COQ8A: variants seen among roughly 807,000 people sequenced by gnomAD.
COQ8A encodes the protein coenzyme Q8A.
COQ8A carries 51 observed loss-of-function variants against 65.0 expected under a neutral mutation model. That is an observed-to-expected ratio of 0.78 (90% CI 0.63 to 0.99). The LOEUF (loss-of-function observed/expected upper bound fraction) is 0.99. Ranked by LOEUF, COQ8A falls within the 50% of genes least tolerant of loss-of-function variation. The pLI is 0.00. For missense variants in COQ8A, 940 were observed against 875.0 expected, an observed-to-expected ratio of 1.07 and a Z score of -0.94; for synonymous variants, 371 against 353.2, an observed-to-expected ratio of 1.05 and a Z score of -0.57.
In COQ8A at chr1:226,972,414, G is replaced by C. The variant is rs1417312742; in HGVS notation, c.656-5035G>C. On this transcript the variant is annotated intron_variant, in intron 4 of 14. Transcript: ENST00000366777. The surrounding 1 kb of genome is among the most constrained non-coding windows in gnomAD (Gnocchi z 4.3). ...GAGAAAAAGCAGGTCAGTGGGCCAG[G>C]AATGAAGAGTAGAGGGAATGGACCT... Among the ~76,000 whole-genome samples, 2 of 152,182 alleles carry C rather than the reference G, an allele frequency of 1.3e-5. No homozygotes were observed. Among genetic ancestry groups the C allele is most frequent in the Admixed American group, 1.3e-4 (2 of 15,282 alleles).
At chr1:226,974,290 A>G (rs914203886) in intron 4 of COQ8A, among the ~76,000 whole-genome samples, 1 of 152,152 alleles carries the variant, frequency 6.6e-6, no homozygotes, top group Non-Finnish European at 1.5e-5. Flanking sequence ...TCTCTCGGAG[A>G]AACATGTCAG....
At chr1:226,951,510 G>C (rs550221602) in intron 1 of COQ8A, among the ~76,000 whole-genome samples, 31 of 152,248 alleles carry the variant, frequency 2.0e-4, no homozygotes, top group African/African-American at 7.0e-4. Context: ...CTTCACCTGG[G>C]GGCCTGTGGG....
intron 10 of COQ8A, 59 bp from the exon 11 acceptor site, chr1:226,984,035 G>GTGT (rs149374145): frequency 2.3e-5 from 28 of 1,242,132 alleles, no homozygotes; most frequent in Non-Finnish European, 2.7e-5. Context: ...GGGTGTGTGT[G>GTGT]GGGGGGGGGA....
chr1:226,940,981 T>A (rs1319482348), intron 1 of COQ8A, among the ~76,000 whole-genome samples: 1 of 152,172 alleles, frequency 6.6e-6, no homozygotes, highest in Non-Finnish European at 1.5e-5. Context: ...CTTTGGCCTT[T>A]CCTCTTCTCC....
At position 226,970,903 on chromosome 1, in the gene COQ8A, T is replaced by A. The variant is rs190857102; in HGVS notation, c.655+5166T>A. ...AACTCTCCTCTCTCTTACAGTGTAG[T>A]CTGTTAATCATGAATTCTTTTAGTT... On this transcript the variant is annotated intron_variant, in intron 4 of 14. Transcript: ENST00000366777. Among the ~76,000 whole-genome samples, 78 of 152,274 alleles carry A rather than the reference T, an allele frequency of 5.1e-4. 1 individual carries two copies. The East Asian group carries it at 8.7e-3, about 17-fold the overall frequency.
chr1:226,950,399 T>G (rs573792679), intron 1 of COQ8A, among the ~76,000 whole-genome samples: 1 of 152,214 alleles, frequency 6.6e-6, no homozygotes, highest in Non-Finnish European at 1.5e-5. Context: ...AAAAACACAC[T>G]GTTTTGCTCT....
chr1:226,982,512 T>C lies in COQ8A; in HGVS notation c.854-166T>C, dbSNP rs1490894747. 4 of 781,426 alleles carry C rather than the reference T, an allele frequency of 5.1e-6. No homozygotes were observed. In the Admixed American group the frequency reaches 8.1e-5, roughly 16 times the overall value. 48.4% of individuals were successfully genotyped at this position (781,426 alleles called of 1,614,324 possible). ...GCGGAGGCTGGGGCTCCCGGGAAGC[T>C]GAGTGGCCGAGGGCGTGTGTGCGAG... On this transcript the variant is annotated intron_variant, in intron 6 of 14. Transcript: ENST00000366777.
At chr1:226,961,333 G>T in intron 1 of COQ8A, 44 bp from the exon 2 acceptor site, 1 of 1,609,228 alleles carries the variant, frequency 6.2e-7, no homozygotes, top group South Asian at 1.1e-5. Flanking sequence ...GGTTTGGCCT[G>T]CAGAGGCCTG....
At chr1:226,976,018 TCCC>T (rs1432054087) in intron 4 of COQ8A, among the ~76,000 whole-genome samples, 11 of 152,022 alleles carry the variant, frequency 7.2e-5, no homozygotes, top group Non-Finnish European at 1.3e-4. Flanking sequence ...GTGAGCCCTC[TCCC>T]CCAACAGCCC....
rs556189472 is a variant in COQ8A, at chr1:226,982,551, C to CT, written c.854-126dup. On this transcript the variant is annotated intron_variant, in intron 6 of 14. Transcript: ENST00000366777. ...CGTGTGTGCGAGGGCTCCTGTCTTTCTGGCCTCACCCGTGCTCCTGGTGGG... is the reference window on the plus strand; with the variant it reads ...CGTGTGTGCGAGGGCTCCTGTCTTTCTTGGCCTCACCCGTGCTCCTGGTGGG... 416 of 1,039,854 alleles carry CT rather than the reference C, an allele frequency of 4.0e-4. 6 individuals carry two copies. The South Asian group carries it at 5.0e-3, about 13-fold the overall frequency. The allele number at this position is 1,039,854 out of a possible 1,614,324, so 64.4% of individuals were successfully genotyped here.
chr1:226,982,472 T>G, intron 6 of COQ8A: 1 of 673,258 alleles, frequency 1.5e-6, no homozygotes, highest in Non-Finnish European at 2.6e-6. Context: ...AAAGCCCACC[T>G]TCTCAGGTCA....
In COQ8A at chr1:226,965,268, CCA is replaced by C; in HGVS notation, c.447_448del (p.Asp151LeufsTer28). 2 of 1,614,024 alleles carry C rather than the reference CCA, an allele frequency of 1.2e-6. No individual in the cohort carries two copies. Among genetic ancestry groups the C allele is most frequent in the Non-Finnish European group, 8.5e-7 (1 of 1,180,040 alleles). ...GCCAACGGGAGGCTCTTTGCAAACC[CCA>C]GAGACTCATTCTCTGCCATGGGCTT... On this transcript the variant is annotated frameshift_variant, in exon 3 of 15. Coordinates refer to ENST00000366777, the MANE Select transcript of COQ8A (RefSeq NM_020247.5). LOFTEE classifies it high-confidence loss of function.
chr1:226,984,258 G>A (rs753541041), intron 11 of COQ8A, 23 bp downstream of exon 11: 2 of 1,612,536 alleles, frequency 1.2e-6, no homozygotes, highest in Admixed American at 1.7e-5. Flanking sequence ...CAGCAGACAG[G>A]TGGGGCCAGG....
chr1:226,970,270 A>G (rs760606500), intron 4 of COQ8A, among the ~76,000 whole-genome samples: 14 of 152,212 alleles, frequency 9.2e-5, no homozygotes, highest in Non-Finnish European at 1.5e-4. Context: ...GTGTCTTAAC[A>G]AGGATTCAGT....
chr1:226,943,032 G>T (rs900640468), intron 1 of COQ8A, among the ~76,000 whole-genome samples: 4 of 152,190 alleles, frequency 2.6e-5, no homozygotes, highest in African/African-American at 9.7e-5. Flanking sequence ...TTGCTGTTTT[G>T]ATCCTGTGGG....
chr1:226,978,857 ACAC>A (rs1165214847), intron 5 of COQ8A, among the ~76,000 whole-genome samples: 1 of 106,524 alleles, frequency 9.4e-6, no homozygotes, highest in African/African-American at 3.3e-5. Context: ...TCATACCTGC[ACAC>A]CACCTTACAC....
At chr1:226,985,741 G>A (rs986026107) in intron 14 of COQ8A, among the ~76,000 whole-genome samples, 8 of 152,280 alleles carry the variant, frequency 5.3e-5, no homozygotes, top group South Asian at 2.1e-4. Flanking sequence ...TGCTGGTGCC[G>A]CCTGAAGCCA....
intron 5 of COQ8A, among the ~76,000 whole-genome samples, chr1:226,981,261 G>C (rs944454483): frequency 1.3e-5 from 2 of 152,224 alleles, no homozygotes; most frequent in African/African-American, 2.4e-5. Flanking sequence ...CCCAGGATAG[G>C]GGGGAAGCTA....
chr1:226,986,203 G>A (rs1223303861), intron 14 of COQ8A, among the ~76,000 whole-genome samples: 3 of 152,030 alleles, frequency 2.0e-5, no homozygotes, highest in Non-Finnish European at 4.4e-5. Flanking sequence ...TGAGTGCCAC[G>A]AGGCGGGACG....
Sources: allele counts gnomAD v4.1 joint callset (sites outside exome capture counted in the v4.1 genomes callset), GRCh38; gene constraint gnomAD v4.1.1; non-coding constraint Gnocchi (gnomAD v3.1); transcripts MANE v1.5; gene names NCBI Gene and HGNC (gene_info 2026-07-23, HGNC 2026-07-21).